DAB1: variants seen among roughly 807,000 people sequenced by gnomAD.
DAB1 encodes the protein DAB adaptor protein 1.
DAB1 carries 15 observed loss-of-function variants against 64.6 expected under a neutral mutation model. The observed-to-expected ratio is 0.23, with a 90% CI of 0.16 to 0.36. DAB1 has a LOEUF of 0.36. DAB1 is among the 10% of genes least tolerant of loss of function. DAB1 has a pLI of 1.00. For missense variants in DAB1, 596 were observed against 706.7 expected (o/e 0.84, Z 1.78); for synonymous variants, 235 against 251.9 (o/e 0.93, Z 0.64).
chr1:57,414,340 T>C (rs960326625), intron 1 of DAB1, among the ~76,000 whole-genome samples: 3 of 152,224 alleles, frequency 2.0e-5, no homozygotes, highest in Non-Finnish European at 4.4e-5. Context: ...GCCACCAACA[T>C]TGAGGTAAAA....
chr1:57,251,012 G>A (rs515802), intron 2 of DAB1, among the ~76,000 whole-genome samples: 88,999 of 151,982 alleles, frequency 0.59, 26,270 homozygotes, highest in Admixed American at 0.66. Flanking sequence ...ACATGGAGGT[G>A]TATGTGGGAA....
At chr1:58,252,086 G>A (rs1231469766) in intron 4 of DAB1, among the ~76,000 whole-genome samples, 3 of 152,170 alleles carry the variant, frequency 2.0e-5, no homozygotes, top group Non-Finnish European at 2.9e-5. Context: ...TCTCATACAA[G>A]TATTGTGAGG....
intron 6 of DAB1, among the ~76,000 whole-genome samples, chr1:57,764,585 T>C (rs112733545): frequency 6.1e-4 from 93 of 152,290 alleles, no homozygotes; most frequent in Admixed American, 1.8e-3. Flanking sequence ...CGTCTTGTCC[T>C]CCTACCCTTC....
At chr1:57,198,640 T>TTCTCTCTCTCTC (rs139550960) in intron 2 of DAB1, among the ~76,000 whole-genome samples, 2,575 of 130,924 alleles carry the variant, frequency 0.02, 47 homozygotes, top group South Asian at 0.031. Flanking sequence ...TCCCTGCATC[T>TTCTCTCTCTCTC]TCTCTCTCTC....
intron 1 of DAB1, among the ~76,000 whole-genome samples, chr1:57,835,726 G>T (rs1569813706): frequency 6.6e-6 from 1 of 152,202 alleles, no homozygotes; most frequent in East Asian, 1.9e-4. Context: ...TAGCCCTGCT[G>T]TTTTGCTGGA....
At chr1:57,203,959 G>C (rs1427498213) in intron 2 of DAB1, among the ~76,000 whole-genome samples, 1 of 151,998 alleles carries the variant, frequency 6.6e-6, no homozygotes, top group Non-Finnish European at 1.5e-5. Context: ...GCACAATCTT[G>C]GTTCACTTCA....
chr1:58,239,328 C>T (rs1660187074), intron 4 of DAB1, among the ~76,000 whole-genome samples: 1 of 152,154 alleles, frequency 6.6e-6, no homozygotes, highest in South Asian at 2.1e-4. Flanking sequence ...AAATAAGATG[C>T]ACGTTTTCAT....
At chr1:57,281,444 C>T (rs778730663) in intron 2 of DAB1, among the ~76,000 whole-genome samples, 4 of 152,080 alleles carry the variant, frequency 2.6e-5, no homozygotes, top group African/African-American at 9.7e-5. Context: ...CAAAACCCCA[C>T]GTGTAAAAAA....
At chr1:57,266,052 C>T (rs1394283653) in intron 2 of DAB1, among the ~76,000 whole-genome samples, 1 of 152,042 alleles carries the variant, frequency 6.6e-6, no homozygotes, top group Non-Finnish European at 1.5e-5. Context: ...AGGCATGGCT[C>T]CTGAAATCAA....
chr1:58,236,778 G>T (rs1660063694), intron 4 of DAB1, among the ~76,000 whole-genome samples: 1 of 152,208 alleles, frequency 6.6e-6, no homozygotes, highest in Non-Finnish European at 1.5e-5. Flanking sequence ...CAATGCTATA[G>T]TTCAAACCAA....
At chr1:58,222,020 GT>G (rs1659197346) in intron 4 of DAB1, among the ~76,000 whole-genome samples, 1 of 152,204 alleles carries the variant, frequency 6.6e-6, no homozygotes, top group African/African-American at 2.4e-5. Flanking sequence ...TGGAAACCAA[GT>G]ATTTAATCCA....
intron 11 of DAB1, among the ~76,000 whole-genome samples, chr1:57,016,548 C>T (rs970949705): frequency 1.3e-5 from 2 of 151,778 alleles, no homozygotes; most frequent in East Asian, 1.9e-4. Flanking sequence ...CTATGATCAC[C>T]CTACTGCACT....
chr1:57,503,137 A>T (rs1558440792), intron 7 of DAB1, among the ~76,000 whole-genome samples: 1 of 152,212 alleles, frequency 6.6e-6, no homozygotes, highest in African/African-American at 2.4e-5. Context: ...TGCTGCTACA[A>T]TAAAGGGTAA....
chr1:57,394,826 T>C (rs1192320493), intron 1 of DAB1, among the ~76,000 whole-genome samples: 1 of 152,210 alleles, frequency 6.6e-6, no homozygotes, highest in Non-Finnish European at 1.5e-5. Flanking sequence ...CCAAACTTAT[T>C]TGACCAAAGG....
At chr1:57,426,456 C>G (rs1367402563), upstream of DAB1, among the ~76,000 whole-genome samples, 2 of 152,152 alleles carry the variant, frequency 1.3e-5, no homozygotes, top group African/African-American at 4.8e-5. Flanking sequence ...TTGTACTAAA[C>G]ATGTCATGAA....
chr1:58,421,563 GGAGA>G (rs1644772305), intron 3 of DAB1, among the ~76,000 whole-genome samples: 2 of 152,330 alleles, frequency 1.3e-5, no homozygotes, highest in South Asian at 4.1e-4. Flanking sequence ...GGTAGCAGGA[GGAGA>G]GAGATGTGTT....
intron 5 of DAB1, among the ~76,000 whole-genome samples, chr1:58,006,468 G>A (rs1267210959): frequency 1.3e-5 from 2 of 152,112 alleles, no homozygotes; most frequent in African/African-American, 4.8e-5. Context: ...GCAGAAATAA[G>A]GATATTTAGG....
chr1:57,805,358 T>C (rs1651313364), intron 6 of DAB1, among the ~76,000 whole-genome samples: 1 of 152,204 alleles, frequency 6.6e-6, no homozygotes, highest in Non-Finnish European at 1.5e-5. Context: ...TTCACTAATT[T>C]AAAATTTAGC....
chr1:57,294,962 G>A (rs145246414), intron 1 of DAB1, among the ~76,000 whole-genome samples: 1 of 152,184 alleles, frequency 6.6e-6, no homozygotes, highest in Non-Finnish European at 1.5e-5. Context: ...AGCAAGGCAA[G>A]TAAGTTAGAC....
Sources: gnomAD v4.1 joint callset for allele counts (sites outside exome capture counted in the v4.1 genomes callset) on GRCh38, gnomAD v4.1.1 for gene constraint, MANE v1.5 for transcripts, NCBI Gene and HGNC (gene_info 2026-07-23, HGNC 2026-07-21) for gene names.